Variants in PRDM6 observed in about 807,000 individuals in gnomAD.
The protein encoded by PRDM6 is putative histone-lysine N-methyltransferase PRDM6.
A neutral mutation model predicts 60.8 loss-of-function variants in PRDM6; 25 were observed. The ratio of observed to expected loss-of-function variants is 0.41; its 90% CI spans 0.30 to 0.57. PRDM6 has a LOEUF of 0.57. Ranked by LOEUF, PRDM6 falls within the 20% of genes least tolerant of loss-of-function variation. PRDM6 has a pLI of 0.27. For synonymous variants in PRDM6, 407 were observed against 357.4 expected, an observed-to-expected ratio of 1.14 and a Z score of -1.57; for missense variants, 839 against 821.3, an observed-to-expected ratio of 1.02 and a Z score of -0.26.
At chr5:123,148,595 CTT>C (rs10709227) in intron 3 of PRDM6, among the ~76,000 whole-genome samples, 6 of 147,214 alleles carry the variant, frequency 4.1e-5, no homozygotes, top group South Asian at 2.1e-4. Flanking sequence ...TATGCATTGT[CTT>C]TTTTTTTTTA....
intron 5 of PRDM6, among the ~76,000 whole-genome samples, chr5:123,169,394 C>T (rs1022345238): frequency 9.2e-5 from 14 of 152,210 alleles, no homozygotes; most frequent in Non-Finnish European, 1.5e-5. Flanking sequence ...TCTCTCCCCA[C>T]TTCCACTGCC....
intron 3 of PRDM6, among the ~76,000 whole-genome samples, chr5:123,149,830 T>C (rs1765332940): frequency 6.6e-6 from 1 of 152,222 alleles, no homozygotes; most frequent in South Asian, 2.1e-4. Flanking sequence ...TTTTCTTCTT[T>C]CTCTTTTCTT....
chr5:123,125,355 A>G (rs369041601), intron 3 of PRDM6, among the ~76,000 whole-genome samples: 1 of 149,372 alleles, frequency 6.7e-6, no homozygotes, highest in African/African-American at 2.5e-5. Flanking sequence ...TTCATTTTTT[A>G]ATCATTTGAG....
intron 3 of PRDM6, among the ~76,000 whole-genome samples, chr5:123,137,830 G>A (rs919436251): frequency 6.6e-6 from 1 of 152,098 alleles, no homozygotes; most frequent in Non-Finnish European, 1.5e-5. Flanking sequence ...ACAGAAAAGT[G>A]TTCTTAATAT....
intron 3 of PRDM6, among the ~76,000 whole-genome samples, chr5:123,115,738 A>G (rs377075905): frequency 1.1e-4 from 17 of 152,186 alleles, no homozygotes; most frequent in Admixed American, 8.5e-4. Context: ...CATAATTTCT[A>G]TTGACTCCAT....
intron 3 of PRDM6, among the ~76,000 whole-genome samples, chr5:123,122,812 C>T (rs144203229): frequency 6.6e-6 from 1 of 152,038 alleles, no homozygotes; most frequent in African/African-American, 2.4e-5. Context: ...TAAAATCCGA[C>T]TACAAGAATT....
chr5:123,165,466 C>G (rs942197821), intron 5 of PRDM6, among the ~76,000 whole-genome samples: 13 of 152,202 alleles, frequency 8.5e-5, no homozygotes, highest in African/African-American at 3.1e-4. Flanking sequence ...TGGCTTGGAC[C>G]CCTGCAGTAG....
chr5:123,115,216 G>A, intron 3 of PRDM6, among the ~76,000 whole-genome samples: 1 of 152,158 alleles, frequency 6.6e-6, no homozygotes, highest in African/African-American at 2.4e-5. Flanking sequence ...CCTTACGTTT[G>A]CCTTCATGGT....
rs1387310303 is a variant in PRDM6 at position 123,192,400 on chromosome 5, A to G, written c.*5199A>G. Reference sequence around the variant, plus strand: ...CTCTATGTAAAGCTTTTTTTTGAGAACAAGAGCTTTTAAAAATTAATAAAC... The same window carrying G: ...CTCTATGTAAAGCTTTTTTTTGAGAGCAAGAGCTTTTAAAAATTAATAAAC... On this transcript the variant is annotated 3_prime_UTR_variant, in exon 8 of 8. Coordinates refer to ENST00000407847, the MANE Select transcript of PRDM6 (RefSeq NM_001136239.4). 6.6e-6 allele frequency: 1 copy of G among 152,210 alleles called. No homozygotes were observed. Among genetic ancestry groups the G allele is most frequent in the Non-Finnish European group, 1.5e-5 (1 of 68,028 alleles). 9.4% of individuals were successfully genotyped at this position (152,210 alleles called of 1,614,324 possible).
At chr5:123,109,119 T>C (rs1266282684) in intron 3 of PRDM6, among the ~76,000 whole-genome samples, 3 of 152,080 alleles carry the variant, frequency 2.0e-5, no homozygotes, top group African/African-American at 7.2e-5. Context: ...GTTTCTGGGG[T>C]CTATGAGGAG....
intron 4 of PRDM6, among the ~76,000 whole-genome samples, chr5:123,157,425 A>T (rs1685201): frequency 0.2 from 30,013 of 151,996 alleles, 3,661 homozygotes; most frequent in African/African-American, 0.35. Flanking sequence ...AGGGAGCTAT[A>T]GAGGCAAATT....
rs1283138731 is a variant in PRDM6 at position 123,192,618 on chromosome 5, A to G, written c.*5417A>G. On this transcript the variant is annotated 3_prime_UTR_variant, in exon 8 of 8. Coordinates refer to ENST00000407847, the MANE Select transcript of PRDM6 (RefSeq NM_001136239.4). ...TCTAAAATTCCACATTGAAAGAAAA[A>G]AAAATAACCCTCTCAAGTGTGATAT... The G allele has an allele frequency of 6.6e-6, 1 of 152,180 alleles. No homozygotes were observed. The highest frequency in any genetic ancestry group is 1.5e-5 in the Non-Finnish European group (1 of 68,038). The allele number at this position is 152,180 out of a possible 1,614,324, so 9.4% of individuals were successfully genotyped here.
At chr5:123,116,387 G>C (rs1764448453) in intron 3 of PRDM6, among the ~76,000 whole-genome samples, 1 of 152,124 alleles carries the variant, frequency 6.6e-6, no homozygotes, top group Admixed American at 6.5e-5. Context: ...TCATTATTAG[G>C]AGCTTTGCAT....
rs1338930363 is a variant in PRDM6 at position 123,165,495 on chromosome 5, A to G, written c.1154-5271A>G. On this transcript the variant is annotated intron_variant, in intron 5 of 7. Coordinates refer to ENST00000407847, the MANE Select transcript of PRDM6 (RefSeq NM_001136239.4). Reference sequence around the variant, plus strand: ...GCAGTAGCCTTCTGCATGACTTCACACTTTCTTTCTTTAGTTCATGGTGGC... The same window carrying G: ...GCAGTAGCCTTCTGCATGACTTCACGCTTTCTTTCTTTAGTTCATGGTGGC... 2.0e-5 allele frequency among the ~76,000 whole-genome samples: 3 copies of G among 152,036 alleles called. 1 individual carries two copies. The highest frequency in any genetic ancestry group is 4.4e-5 in the Non-Finnish European group (3 of 67,990).
At chr5:123,168,536 G>A (rs4836485) in intron 5 of PRDM6, among the ~76,000 whole-genome samples, 1 of 152,202 alleles carries the variant, frequency 6.6e-6, no homozygotes, top group South Asian at 2.1e-4. Context: ...GGTAGGATTA[G>A]ATCAGTGATT....
intron 4 of PRDM6, among the ~76,000 whole-genome samples, chr5:123,157,302 A>G (rs1012850140): frequency 5.3e-5 from 8 of 152,138 alleles, no homozygotes; most frequent in Non-Finnish European, 1.5e-5. Flanking sequence ...ATTCACCTTT[A>G]TTACAGCTGC....
At chr5:123,089,974 C>T (rs749628502) in intron 1 of PRDM6, 26 bp from the exon 2 acceptor site, 30 of 1,498,288 alleles carry the variant, frequency 2.0e-5, no homozygotes, top group Admixed American at 1.6e-4. Flanking sequence ...CTCACGCGCC[C>T]CCTCTTCCCT....
chr5:123,177,989 T>G (rs1580541562), intron 6 of PRDM6, among the ~76,000 whole-genome samples: 1 of 152,154 alleles, frequency 6.6e-6, no homozygotes, highest in Non-Finnish European at 1.5e-5. Flanking sequence ...CATATGCCTC[T>G]CAAGCCAGTG....
At chr5:123,138,782 T>C (rs886659979) in intron 3 of PRDM6, among the ~76,000 whole-genome samples, 7 of 152,216 alleles carry the variant, frequency 4.6e-5, no homozygotes, top group African/African-American at 1.7e-4. Context: ...AAAGAAGCTA[T>C]TGGAAATGTC....
Sources: allele counts gnomAD v4.1 joint callset (sites outside exome capture counted in the v4.1 genomes callset), GRCh38; gene constraint gnomAD v4.1.1; transcripts MANE v1.5; gene names NCBI Gene and HGNC (gene_info 2026-07-23, HGNC 2026-07-21).